CAMK2B: variants seen among roughly 807,000 people sequenced by gnomAD.
The protein encoded by CAMK2B is calcium/calmodulin dependent protein kinase II beta, also known as calcium/calmodulin-dependent protein kinase type II subunit beta.
CAMK2B carries 27 observed loss-of-function variants against 93.7 expected under a neutral mutation model. The observed-to-expected ratio is 0.29, with a 90% confidence interval of 0.21 to 0.40. The LOEUF is 0.40. Among genes scored for constraint, CAMK2B ranks in the 10% least tolerant of loss-of-function variants. CAMK2B has a pLI of 1.00. For synonymous variants in CAMK2B, 374 were observed against 358.8 expected, an observed-to-expected ratio of 1.04 and a Z score of -0.48; for missense variants, 568 against 895.8, an observed-to-expected ratio of 0.63 and a Z score of 4.67.
In CAMK2B at chr7:44,229,383, C is replaced by G; in HGVS notation, c.1339+5G>C. 6.6e-7 allele frequency: 1 copy of G among 1,523,086 alleles called. No individual in the cohort carries two copies. Among genetic ancestry groups the G allele is most frequent in the Non-Finnish European group, 8.8e-7 (1 of 1,131,678 alleles). The allele number at this position is 1,523,086 out of a possible 1,614,324, so 94.3% of individuals were successfully genotyped here. A position where few individuals can be genotyped will look rare whatever the true frequency, so the allele number is the denominator to read the frequency against. ...CCCCACAGCAGCAGGACCCAGGCTACTTACATGGGGCTGGCAGGGGGCTAA... is the reference window on the plus strand; with the variant it reads ...CCCCACAGCAGCAGGACCCAGGCTAGTTACATGGGGCTGGCAGGGGGCTAA... On this transcript the variant is annotated splice_donor_5th_base_variant and intron_variant, in intron 18 of 23. Coordinates refer to ENST00000395749, the MANE Select transcript of CAMK2B (RefSeq NM_001220.5).
intron 20 of CAMK2B, among the ~76,000 whole-genome samples, chr7:44,221,598 C>T (rs778823220): frequency 6.6e-6 from 1 of 152,236 alleles, no homozygotes; most frequent in Non-Finnish European, 1.5e-5. Flanking sequence ...TCATAGGAGC[C>T]GCATCCGGCT....
chr7:44,269,596 G>T lies in CAMK2B; in HGVS notation c.161-6532C>A, dbSNP rs929983206. 2.6e-5 allele frequency among the ~76,000 whole-genome samples: 4 copies of T among 152,146 alleles called. 1 individual carries two copies. The highest frequency in any genetic ancestry group is 2.6e-4 in the Admixed American group (4 of 15,286). On this transcript the variant is annotated intron_variant, in intron 2 of 23. Transcript: ENST00000395749. ...AGAGGAACCAGGGATAAGGGGAACA[G>T]GAGGGCGTGGGTGGGCACCGGGCCC...
rs1242044246 is a variant in CAMK2B at position 44,287,624 on chromosome 7, G to T, written c.66-3399C>A. ...CTCTGACTTCTCCAAGAGCAAAGAAGCCAGCACCATCACCATACTCCCTTG... is the reference window on the plus strand; with the variant it reads ...CTCTGACTTCTCCAAGAGCAAAGAATCCAGCACCATCACCATACTCCCTTG... On this transcript the variant is annotated intron_variant, in intron 1 of 23. Transcript: ENST00000395749. 2.0e-5 allele frequency among the ~76,000 whole-genome samples: 3 copies of T among 152,336 alleles called. No homozygotes were observed. In the East Asian group the frequency reaches 5.8e-4, roughly 29 times the overall value.
chr7:44,298,675 T>C (rs960653845), intron 1 of CAMK2B, among the ~76,000 whole-genome samples: 1 of 152,088 alleles, frequency 6.6e-6, no homozygotes, highest in Non-Finnish European at 1.5e-5. Flanking sequence ...TAAACGTCAA[T>C]AACAAAGAAA....
intron 1 of CAMK2B, among the ~76,000 whole-genome samples, chr7:44,291,018 G>A (rs1395475070): frequency 6.6e-6 from 1 of 152,194 alleles, no homozygotes; most frequent in Non-Finnish European, 1.5e-5. Context: ...GCACCATGAG[G>A]AGGTGTCTTC....
chr7:44,243,907 G>T (rs2096705957), intron 6 of CAMK2B, among the ~76,000 whole-genome samples: 2 of 152,228 alleles, frequency 1.3e-5, no homozygotes, highest in Non-Finnish European at 2.9e-5. Flanking sequence ...GGGGCAGACT[G>T]TGCAGTGGCT....
In CAMK2B at chr7:44,225,950, C is replaced by T. The variant is rs1203940559; in HGVS notation, c.1597+566G>A. ...ACCGGGAGGTGGCCCAGCCTGGCTCCTCCCTGGCCGGGGAGGCTGCCCAGC... is the reference window on the plus strand; with the variant it reads ...ACCGGGAGGTGGCCCAGCCTGGCTCTTCCCTGGCCGGGGAGGCTGCCCAGC... On this transcript the variant is annotated intron_variant, in intron 20 of 23. Coordinates refer to ENST00000395749, the MANE Select transcript of CAMK2B (RefSeq NM_001220.5). This position sits in a 1 kb window ranked among gnomAD's most constrained non-coding sequence, Gnocchi z 5.0. 1 of 1,257,946 alleles carries T rather than the reference C, an allele frequency of 7.9e-7. No homozygotes were observed. The highest frequency in any genetic ancestry group is 2.4e-5 in the Admixed American group (1 of 42,142). 77.9% of individuals were successfully genotyped at this position (1,257,946 alleles called of 1,614,324 possible).
intron 12 of CAMK2B, among the ~76,000 whole-genome samples, 177 bp downstream of exon 12, chr7:44,240,530 C>A (rs2096668253): frequency 1.3e-5 from 2 of 152,356 alleles, no homozygotes; most frequent in Admixed American, 1.3e-4. Context: ...TGTGGTATCA[C>A]CCAAGGTGGG....
chr7:44,309,664 GA>G (rs1333321004), intron 1 of CAMK2B, among the ~76,000 whole-genome samples: 1 of 152,202 alleles, frequency 6.6e-6, no homozygotes, highest in Non-Finnish European at 1.5e-5. Context: ...CCCAGCTGTG[GA>G]AAGGACACAG....
Position 44,271,904 on chromosome 7 carries a change from C to A in CAMK2B, c.161-8840G>T, listed in dbSNP as rs1249347544. ...ATGAGTCCCTTCAGGGTAGTGACTT[C>A]TGTGTGCTGAGGACTGGCTCTGGGC... is the stretch of plus-strand genomic sequence containing the variant. On this transcript the variant is annotated intron_variant, in intron 2 of 23. Coordinates refer to ENST00000395749, the MANE Select transcript of CAMK2B (RefSeq NM_001220.5). This position sits in a 1 kb window ranked among gnomAD's most constrained non-coding sequence, Gnocchi z 4.2. 6.6e-6 allele frequency among the ~76,000 whole-genome samples: 1 copy of A among 152,226 alleles called. No individual in the cohort carries two copies. Among genetic ancestry groups the A allele is most frequent in the Admixed American group, 6.5e-5 (1 of 15,276 alleles).
chr7:44,321,534 G>A (rs1796085857), intron 1 of CAMK2B, among the ~76,000 whole-genome samples: 1 of 152,166 alleles, frequency 6.6e-6, no homozygotes, highest in Non-Finnish European at 1.5e-5. Flanking sequence ...CTGTAAAATG[G>A]GGCTGGGGAG....
chr7:44,308,579 C>A (rs529637204), intron 1 of CAMK2B, among the ~76,000 whole-genome samples: 19 of 152,206 alleles, frequency 1.2e-4, no homozygotes, highest in Non-Finnish European at 2.4e-4. Flanking sequence ...CCTCTCTGAG[C>A]TGGATCCACA....
rs755446935 is a variant in CAMK2B, at chr7:44,311,319, G to A, written c.65+14038C>T. Among the ~76,000 whole-genome samples, 1 of 152,104 alleles carries A rather than the reference G, an allele frequency of 6.6e-6. No homozygotes were observed. The highest frequency in any genetic ancestry group is 1.5e-5 in the Non-Finnish European group (1 of 68,012). Reference sequence around the variant, plus strand: ...TCGAACTCCTGACTTCAAGTGATCCGCCCATCTCGGCCTCCCAAAGTGCTG... The same window carrying A: ...TCGAACTCCTGACTTCAAGTGATCCACCCATCTCGGCCTCCCAAAGTGCTG... On this transcript the variant is annotated intron_variant, in intron 1 of 23. Transcript: ENST00000395749. This position sits in a 1 kb window ranked among gnomAD's most constrained non-coding sequence, Gnocchi z 4.2.
Position 44,225,664 on chromosome 7 carries a change from C to G in CAMK2B, c.1597+852G>C, listed in dbSNP as rs991714932. The stretch of plus-strand genomic sequence containing the variant: ...GCCGCTGCTCCTGTGGGTTCACTCT[C>G]CCCACACCCTTCTGCCCTGGCCGCC... On this transcript the variant is annotated intron_variant, in intron 20 of 23. Transcript: ENST00000395749. This position sits in a 1 kb window ranked among gnomAD's most constrained non-coding sequence, Gnocchi z 5.0. The G allele has an allele frequency of 2.6e-6, 3 of 1,132,152 alleles. No homozygotes were observed. The African/African-American group carries it at 4.8e-5, about 18-fold the overall frequency. The allele number at this position is 1,132,152 out of a possible 1,614,324, so 70.1% of individuals were successfully genotyped here. A position where few individuals can be genotyped will look rare whatever the true frequency, so the allele number is the denominator to read the frequency against.
chr7:44,283,444 G>C (rs1189900931), intron 2 of CAMK2B, among the ~76,000 whole-genome samples: 1 of 152,232 alleles, frequency 6.6e-6, no homozygotes, highest in Non-Finnish European at 1.5e-5. Context: ...GCCCGTGATG[G>C]GGCATATCCA....
Position 44,225,221 on chromosome 7 carries a change from C to T in CAMK2B, c.1597+1295G>A, listed in dbSNP as rs2096460674. On this transcript the variant is annotated intron_variant, in intron 20 of 23. Coordinates refer to ENST00000395749, the MANE Select transcript of CAMK2B (RefSeq NM_001220.5). The surrounding 1 kb of genome is among the most constrained non-coding windows in gnomAD (Gnocchi z 5.0). ...GCTGCAGTCCTGGGCTGGGGTCATG[C>T]CAACCTGATGGGGTGACCTTCCAGG... 6.6e-6 allele frequency among the ~76,000 whole-genome samples: 1 copy of T among 152,162 alleles called. No individual in the cohort carries two copies. Among genetic ancestry groups the T allele is most frequent in the African/African-American group, 2.4e-5 (1 of 41,440 alleles).
At chr7:44,253,470 C>T (rs1008692135) in intron 5 of CAMK2B, among the ~76,000 whole-genome samples, 1 of 152,240 alleles carries the variant, frequency 6.6e-6, no homozygotes, top group Non-Finnish European at 1.5e-5. Flanking sequence ...ACCTCGGCCT[C>T]CCAAAGTGTT....
chr7:44,321,331 A>G (rs1436496095), intron 1 of CAMK2B, among the ~76,000 whole-genome samples: 7 of 152,172 alleles, frequency 4.6e-5, no homozygotes, highest in African/African-American at 1.7e-4. Context: ...ACACCCCAGG[A>G]TATAGTCGCT....
chr7:44,220,759 G>C (rs747198368), intron 21 of CAMK2B, 49 bp from the exon 22 acceptor site: 1 of 1,572,068 alleles, frequency 6.4e-7, no homozygotes, highest in Non-Finnish European at 8.6e-7. Flanking sequence ...CCCTGACTCT[G>C]AGCAGGCCCC....
Sources: allele counts gnomAD v4.1 joint callset (sites outside exome capture counted in the v4.1 genomes callset), GRCh38; gene constraint gnomAD v4.1.1; non-coding constraint Gnocchi (gnomAD v3.1); transcripts MANE v1.5; gene names NCBI Gene and HGNC (gene_info 2026-07-23, HGNC 2026-07-21).